Variants in MALRD1 observed in about 807,000 individuals in gnomAD.
The protein encoded by MALRD1 is MAM and LDL receptor class A domain containing 1, also known as MAM and LDL-receptor class A domain-containing protein 1.
Under a neutral mutation model 242.1 loss-of-function variants are expected in MALRD1, and 247 were observed. That is an observed-to-expected ratio of 1.02 (90% CI 0.92 to 1.13). The LOEUF (loss-of-function observed/expected upper bound fraction) is 1.13. Among genes scored for constraint, MALRD1 ranks in the 50% most tolerant of loss-of-function variants. The pLI is 0.00. For missense variants in MALRD1, 2,989 were observed against 2,533.1 expected (o/e 1.18, Z -3.86); for synonymous variants, 995 against 866.6 (o/e 1.15, Z -2.60).
At chr10:19,432,453 A>T (rs1270844287) in intron 28 of MALRD1, among the ~76,000 whole-genome samples, 1 of 152,206 alleles carries the variant, frequency 6.6e-6, no homozygotes, top group Non-Finnish European at 1.5e-5. Context: ...TTTTGAGTCA[A>T]CTTTTAGCCA....
At chr10:19,711,203 C>T (rs528273154) in intron 38 of MALRD1, 42 of 152,226 alleles carry the variant, frequency 2.8e-4, no homozygotes, top group African/African-American at 9.6e-4. Flanking sequence ...TAGGGATACT[C>T]CTTCCACTTC....
chr10:19,714,350 T>A (rs191349034), intron 38 of MALRD1, among the ~76,000 whole-genome samples: 1 of 152,222 alleles, frequency 6.6e-6, no homozygotes, highest in African/African-American at 2.4e-5. Context: ...CTGGCCAAAC[T>A]CCGCATCGTT....
At chr10:19,130,368 A>G (rs1833055113) in intron 8 of MALRD1, among the ~76,000 whole-genome samples, 1 of 152,156 alleles carries the variant, frequency 6.6e-6, no homozygotes, top group Non-Finnish European at 1.5e-5. Flanking sequence ...ACAACATTCT[A>G]TAATTTCCAA....
At chr10:19,693,165 A>AG (rs989215257) in intron 38 of MALRD1, among the ~76,000 whole-genome samples, 4 of 151,870 alleles carry the variant, frequency 2.6e-5, no homozygotes, top group African/African-American at 9.7e-5. Context: ...AAACTGGCAC[A>AG]GGACAGGGAT....
At chr10:19,166,483 TTAGA>T (rs1283547739) in intron 13 of MALRD1, among the ~76,000 whole-genome samples, 5 of 152,036 alleles carry the variant, frequency 3.3e-5, no homozygotes, top group Non-Finnish European at 5.9e-5. Context: ...ATGTAGTTAG[TTAGA>T]TAGAAGAAAT....
At chr10:19,527,608 T>C (rs972158474) in intron 31 of MALRD1, among the ~76,000 whole-genome samples, 43 of 152,188 alleles carry the variant, frequency 2.8e-4, no homozygotes, top group Non-Finnish European at 1.8e-4. Flanking sequence ...ACATTAGTTA[T>C]CATTATACAT....
chr10:19,204,771 G>A, intron 16 of MALRD1, 127 bp from the exon 17 acceptor site: 4 of 1,006,622 alleles, frequency 4.0e-6, no homozygotes, highest in Non-Finnish European at 4.2e-6. Context: ...CACAGTTATT[G>A]CGGGAAAGAA....
intron 12 of MALRD1, among the ~76,000 whole-genome samples, chr10:19,164,179 A>G (rs1298930492): frequency 7.4e-6 from 1 of 135,056 alleles, no homozygotes; most frequent in East Asian, 1.9e-4. Flanking sequence ...AAATGAAATA[A>G]ACAATCAGAA....
chr10:19,619,582 GA>G (rs1442309385), intron 36 of MALRD1, among the ~76,000 whole-genome samples: 1 of 151,934 alleles, frequency 6.6e-6, no homozygotes, highest in African/African-American at 2.4e-5. Context: ...AAACAGGAAT[GA>G]AAAATGTTTA....
chr10:19,160,470 G>T (rs1374188133), intron 12 of MALRD1, among the ~76,000 whole-genome samples: 3 of 59,358 alleles, frequency 5.1e-5, no homozygotes, highest in African/African-American at 6.8e-5. Context: ...AATGATGCTG[G>T]CCTCATAAAA....
chr10:19,132,848 T>C (rs1833168855), intron 8 of MALRD1, among the ~76,000 whole-genome samples: 1 of 152,184 alleles, frequency 6.6e-6, no homozygotes, highest in Non-Finnish European at 1.5e-5. Flanking sequence ...AAAATAAGAT[T>C]TCAGAGCATA....
intron 36 of MALRD1, among the ~76,000 whole-genome samples, chr10:19,626,063 T>G (rs1413607291): frequency 6.6e-6 from 1 of 152,146 alleles, no homozygotes; most frequent in Non-Finnish European, 1.5e-5. Context: ...TTTTAGGTAA[T>G]AAGCTTAAGA....
rs1833930444 is a variant in MALRD1 at position 19,427,038 on chromosome 10, C to T, written c.4846-23269C>T. 2.6e-5 allele frequency among the ~76,000 whole-genome samples: 4 copies of T among 152,264 alleles called. No homozygotes were observed. The South Asian group carries it at 6.2e-4, about 24-fold the overall frequency. ...TGCTGACACCTAAGTCAGTGCACTA[C>T]AATTTGCTTAATTTTTACATGAATT... On this transcript the variant is annotated intron_variant, in intron 28 of 39. Transcript: ENST00000454679.
At chr10:19,052,068 A>T in intron 1 of MALRD1, 1 of 419,196 alleles carries the variant, frequency 2.4e-6, no homozygotes, top group South Asian at 1.9e-5. Context: ...CTTTGATGGC[A>T]TGGTGGATTC....
At chr10:19,278,654 G>T (rs1234086948) in intron 19 of MALRD1, among the ~76,000 whole-genome samples, 1 of 152,054 alleles carries the variant, frequency 6.6e-6, no homozygotes, top group Non-Finnish European at 1.5e-5. Flanking sequence ...CCAAATACCT[G>T]TAATGAAAGA....
intron 21 of MALRD1, among the ~76,000 whole-genome samples, chr10:19,321,139 T>C: frequency 6.6e-6 from 1 of 152,176 alleles, no homozygotes; most frequent in Middle Eastern, 3.2e-3. Flanking sequence ...ATGAAGTCTT[T>C]GCCCATGCTT....
chr10:19,172,600 C>G (rs974614708), intron 13 of MALRD1, among the ~76,000 whole-genome samples: 1 of 151,056 alleles, frequency 6.6e-6, no homozygotes, highest in Non-Finnish European at 1.5e-5. Flanking sequence ...CAGGGCCCAC[C>G]CATTCCATTC....
At chr10:19,329,472 C>T (rs1318937778) in intron 23 of MALRD1, among the ~76,000 whole-genome samples, 2 of 151,482 alleles carry the variant, frequency 1.3e-5, no homozygotes, top group African/African-American at 2.4e-5. Context: ...TGAGCAATTG[C>T]ATATGTAGCA....
At chr10:19,335,992 C>T (rs1843597314) in intron 24 of MALRD1, among the ~76,000 whole-genome samples, 2 of 151,702 alleles carry the variant, frequency 1.3e-5, no homozygotes, top group African/African-American at 4.8e-5. Context: ...AGACAGAGAG[C>T]CAAATCATGA....
Sources: allele counts gnomAD v4.1 joint callset (sites outside exome capture counted in the v4.1 genomes callset), GRCh38; gene constraint gnomAD v4.1.1; transcripts MANE v1.5; gene names NCBI Gene and HGNC (gene_info 2026-07-23, HGNC 2026-07-21).